STAG1: variants seen among roughly 807,000 people sequenced by gnomAD.
The protein encoded by STAG1 is STAG1 cohesin complex component.
In STAG1, 26 loss-of-function variants were observed where a neutral mutation model predicts 170.9. The ratio of observed to expected loss-of-function variants is 0.15; its 90% CI spans 0.11 to 0.21. The LOEUF (loss-of-function observed/expected upper bound fraction) is 0.21, where lower values mean the gene tolerates loss of function less well. Among genes scored for constraint, STAG1 ranks in the 10% least tolerant of loss-of-function variants. STAG1 has a pLI of 1.00. For missense variants in STAG1, 964 were observed against 1,509.5 expected (o/e 0.64, Z 5.99); for synonymous variants, 514 against 497.7 (o/e 1.03, Z -0.44).
intron 7 of STAG1, among the ~76,000 whole-genome samples, chr3:136,509,051 G>T (rs1933920699): frequency 6.6e-6 from 1 of 152,254 alleles, no homozygotes; most frequent in Non-Finnish European, 1.5e-5. Flanking sequence ...TTGAAGTAAT[G>T]AGAGTGAGAA....
intron 16 of STAG1, among the ~76,000 whole-genome samples, chr3:136,427,561 A>C (rs2088168182): frequency 6.6e-6 from 1 of 152,168 alleles, no homozygotes; most frequent in Non-Finnish European, 1.5e-5. Context: ...AGTTATTACA[A>C]GAAAAAATTT....
chr3:136,447,790 T>C (rs952192088), intron 14 of STAG1, among the ~76,000 whole-genome samples: 2 of 151,878 alleles, frequency 1.3e-5, no homozygotes, highest in African/African-American at 4.8e-5. Flanking sequence ...GCTAATTTTT[T>C]GCATTTTTAG....
chr3:136,383,757 C>T (rs1188686034), intron 22 of STAG1, among the ~76,000 whole-genome samples: 1 of 151,868 alleles, frequency 6.6e-6, no homozygotes, highest in Non-Finnish European at 1.5e-5. Context: ...AGATCGAGAC[C>T]ATCCTGGCCA....
chr3:136,729,918 T>A (rs1933915527), intron 1 of STAG1, among the ~76,000 whole-genome samples: 1 of 135,226 alleles, frequency 7.4e-6, no homozygotes. Flanking sequence ...AGACAGAGTC[T>A]CGCTCTGTTG....
At chr3:136,715,778 T>TA (rs1365471721) in intron 1 of STAG1, among the ~76,000 whole-genome samples, 1 of 151,930 alleles carries the variant, frequency 6.6e-6, no homozygotes, top group Admixed American at 6.6e-5. Flanking sequence ...TTTTTTTTTT[T>TA]AAAGTATGTA....
chr3:136,530,559 T>C (rs1235525673), intron 6 of STAG1, among the ~76,000 whole-genome samples: 2 of 152,066 alleles, frequency 1.3e-5, no homozygotes, highest in Non-Finnish European at 2.9e-5. Context: ...CAAAATCATA[T>C]GAAATATCTT....
chr3:136,665,984 A>C (rs1260663759), intron 1 of STAG1, among the ~76,000 whole-genome samples: 1 of 143,134 alleles, frequency 7.0e-6, no homozygotes, highest in Non-Finnish European at 1.5e-5. Context: ...CTAAGGCAGG[A>C]GAATGGCGTG....
chr3:136,360,598 A>C (rs1474761928), intron 26 of STAG1, among the ~76,000 whole-genome samples: 1 of 152,194 alleles, frequency 6.6e-6, no homozygotes, highest in Admixed American at 6.5e-5. Context: ...GATTGGCCTG[A>C]ACTACTTGCT....
At position 136,452,081 on chromosome 3, in the gene STAG1, C is replaced by T. The variant is rs371066583; in HGVS notation, c.1380G>A (p.Pro460=). The change falls in exon 14 of 34, where the codon CCG becomes CCA. Residue 460 remains proline (P), a synonymous_variant. Transcript: ENST00000383202. The part of the protein sequence containing the change: ...ALAKRRGRNS[P]NGNLIRMLVL... ...CCAGCATCCTAATGAGGTTTCCATT[C>T]GGGCTGTTTCTTCCCCTCCTCTTTG... 37 of 1,613,404 alleles carry T rather than the reference C, an allele frequency of 2.3e-5. No homozygotes were observed. Among genetic ancestry groups the T allele is most frequent in the African/African-American group, 5.3e-5 (4 of 74,906 alleles).
At chr3:136,697,016 A>C (rs1343129442) in intron 1 of STAG1, among the ~76,000 whole-genome samples, 1 of 152,230 alleles carries the variant, frequency 6.6e-6, no homozygotes, top group African/African-American at 2.4e-5. Context: ...TATGTAAATT[A>C]TACTCAGGGT....
intron 1 of STAG1, among the ~76,000 whole-genome samples, chr3:136,734,404 G>A (rs1934222419): frequency 6.6e-6 from 1 of 152,050 alleles, no homozygotes; most frequent in South Asian, 2.1e-4. Flanking sequence ...CTACCACCTG[G>A]ACCTTTAAAC....
intron 9 of STAG1, among the ~76,000 whole-genome samples, chr3:136,494,761 G>GA (rs1932988765): frequency 6.6e-6 from 1 of 152,144 alleles, no homozygotes; most frequent in South Asian, 2.1e-4. Context: ...AATCAGGCTA[G>GA]AAGTAAATTC....
At chr3:136,595,340 AT>A (rs1169860185) in intron 4 of STAG1, among the ~76,000 whole-genome samples, 2 of 152,138 alleles carry the variant, frequency 1.3e-5, no homozygotes, top group African/African-American at 2.4e-5. Flanking sequence ...ACCACCTTAG[AT>A]TACTTCCTCT....
chr3:136,379,759 G>A (rs1003077283), intron 22 of STAG1, among the ~76,000 whole-genome samples: 7 of 152,088 alleles, frequency 4.6e-5, no homozygotes, highest in Non-Finnish European at 7.4e-5. Context: ...TTAATTTATT[G>A]TAGCTGGGGT....
In STAG1 at chr3:136,463,770, T is replaced by C. The variant is rs772890628; in HGVS notation, c.1313+1111A>G. On this transcript the variant is annotated intron_variant, in intron 13 of 33. Coordinates refer to ENST00000383202, the MANE Select transcript of STAG1 (RefSeq NM_005862.3). ...GTGTGTGTGTGTGTGTGTGTGTGTA[T>C]ACACACACACACACACACACATATA... Among the ~76,000 whole-genome samples the C allele has an allele frequency of 2.9e-3, 366 of 126,388 alleles. 2 individuals are homozygous for C. Among genetic ancestry groups the C allele is most frequent in the African/African-American group, 8.4e-3 (299 of 35,648 alleles). 82.9% of individuals were successfully genotyped at this position (126,388 alleles called of 152,430 possible). A position where few individuals can be genotyped will look rare whatever the true frequency, so the allele number is the denominator to read the frequency against.
rs63439962 is a variant in STAG1, at chr3:136,465,222, CT to C, written c.1206-235del. On this transcript the variant is annotated intron_variant, in intron 12 of 33. Transcript: ENST00000383202. ...TAAAATGCTCACAATTCTTCTACAG[CT>C]TTTTTTTTTTTTTTGAGACAGAGTC... Among the ~76,000 whole-genome samples the C allele has an allele frequency of 8.7e-3, 1,180 of 136,118 alleles. 16 individuals carry two copies. The highest frequency in any genetic ancestry group is 0.027 in the African/African-American group (1,005 of 37,214). The allele number at this position is 136,118 out of a possible 152,430, so 89.3% of individuals were successfully genotyped here. A position where few individuals can be genotyped will look rare whatever the true frequency, so the allele number is the denominator to read the frequency against.
chr3:136,479,783 G>A (rs1246674827), intron 9 of STAG1, among the ~76,000 whole-genome samples: 1 of 8,030 alleles, frequency 1.2e-4, no homozygotes, highest in Admixed American at 1.6e-3. Flanking sequence ...ACTGGTGTGA[G>A]ATGATATCTC....
At chr3:136,638,333 C>A (rs1176588147) in intron 1 of STAG1, among the ~76,000 whole-genome samples, 2 of 151,890 alleles carry the variant, frequency 1.3e-5, no homozygotes, top group Admixed American at 1.3e-4. Flanking sequence ...AAGGGTTTCA[C>A]CATATTTGTC....
intron 1 of STAG1, among the ~76,000 whole-genome samples, chr3:136,728,013 G>C (rs996235205): frequency 2.6e-5 from 4 of 152,004 alleles, no homozygotes; most frequent in Admixed American, 1.3e-4. Flanking sequence ...CAAAAAATTA[G>C]CCAGGTGTGG....
Sources: gnomAD v4.1 joint callset for allele counts (sites outside exome capture counted in the v4.1 genomes callset) on GRCh38, gnomAD v4.1.1 for gene constraint, MANE v1.5 for transcripts, NCBI Gene and HGNC (gene_info 2026-07-23, HGNC 2026-07-21) for gene names.